Variants in NBEAL1 observed in about 807,000 individuals in gnomAD.
NBEAL1 encodes neurobeachin like 1.
In NBEAL1, 273 loss-of-function variants were observed where a neutral mutation model predicts 351.3. The ratio of observed to expected loss-of-function variants is 0.78; its 90% CI spans 0.70 to 0.86. NBEAL1 has a LOEUF of 0.86. Ranked by LOEUF, NBEAL1 falls within the 40% of genes least tolerant of loss-of-function variation. The probability of loss-of-function intolerance (pLI) is 0.00; values close to 1 mark genes in which losing one functional copy is unlikely to be tolerated. For synonymous variants in NBEAL1, 1,050 were observed against 1,086.4 expected (o/e 0.97, Z 0.66); for missense variants, 2,961 against 3,201.3 (o/e 0.92, Z 1.81).
chr2:203,087,256 C>G (rs1374322776), intron 10 of NBEAL1, among the ~76,000 whole-genome samples: 1 of 151,954 alleles, frequency 6.6e-6, no homozygotes, highest in African/African-American at 2.4e-5. Flanking sequence ...CCGTGCCCGG[C>G]TAATTTTCAT....
intron 42 of NBEAL1, among the ~76,000 whole-genome samples, chr2:203,179,669 T>C (rs928877817): frequency 6.6e-6 from 1 of 152,192 alleles, no homozygotes; most frequent in African/African-American, 2.4e-5. Context: ...AGCGTTCCTA[T>C]AGATCTATTA....
intron 2 of NBEAL1, among the ~76,000 whole-genome samples, chr2:203,031,267 C>T (rs1022771934): frequency 6.6e-6 from 1 of 152,186 alleles, no homozygotes; most frequent in Non-Finnish European, 1.5e-5. Flanking sequence ...GAGTATCTCT[C>T]ATTTTCAAGT....
intron 42 of NBEAL1, among the ~76,000 whole-genome samples, chr2:203,176,171 C>CTTT (rs34311199): frequency 3.2e-4 from 39 of 122,880 alleles, no homozygotes; most frequent in East Asian, 9.9e-4. Context: ...TTTATTGCAT[C>CTTT]TTTTTTTTTT....
chr2:203,112,424 A>C (rs1411888574), intron 16 of NBEAL1, among the ~76,000 whole-genome samples: 1 of 152,268 alleles, frequency 6.6e-6, no homozygotes, highest in African/African-American at 2.4e-5. Context: ...ATTACGTAAG[A>C]GAATATTATG....
intron 37 of NBEAL1, 63 bp downstream of exon 37, chr2:203,166,360 A>T (rs1385936026): frequency 2.8e-6 from 4 of 1,427,958 alleles, no homozygotes; most frequent in Non-Finnish European, 3.8e-6. Context: ...TTTATCAATC[A>T]TGAATGAGAA....
chr2:203,125,839 T>TTTTC (rs2062925786), intron 20 of NBEAL1, 121 bp from the exon 21 acceptor site: 3 of 797,754 alleles, frequency 3.8e-6, no homozygotes, highest in Non-Finnish European at 5.6e-6. Flanking sequence ...CAATAGAGCG[T>TTTTC]TGGAAGCTGA....
intron 15 of NBEAL1, among the ~76,000 whole-genome samples, chr2:203,110,947 G>T (rs1179629437): frequency 6.6e-6 from 1 of 151,630 alleles, no homozygotes; most frequent in Non-Finnish European, 1.5e-5. Flanking sequence ...TGTATTTTTA[G>T]TAGAGACAGG....
At chr2:203,148,380 A>G (rs556038884) in intron 33 of NBEAL1, among the ~76,000 whole-genome samples, 97 of 152,004 alleles carry the variant, frequency 6.4e-4, no homozygotes, top group Non-Finnish European at 1.1e-3. Flanking sequence ...TTAACCACAC[A>G]TTGCTGTAAT....
intron 15 of NBEAL1, among the ~76,000 whole-genome samples, chr2:203,111,643 A>G (rs1201430412): frequency 6.6e-6 from 1 of 152,198 alleles, no homozygotes; most frequent in Non-Finnish European, 1.5e-5. Context: ...GGTGTGAGCC[A>G]CTGCGCCCAG....
At chr2:203,086,312 A>G (rs1313787617) in intron 10 of NBEAL1, 1 of 152,202 alleles carries the variant, frequency 6.6e-6, no homozygotes, top group Non-Finnish European at 1.5e-5. Flanking sequence ...CTTTCTAAAA[A>G]TACTGGCATT....
intron 15 of NBEAL1, 21 bp downstream of exon 15, chr2:203,110,303 A>T: frequency 6.5e-7 from 1 of 1,542,942 alleles, no homozygotes; most frequent in Non-Finnish European, 8.7e-7. Context: ...AGGGCATCAC[A>T]TTTAACTTCT....
At chr2:203,184,798 G>C (rs2064846901) in intron 44 of NBEAL1, among the ~76,000 whole-genome samples, 1 of 151,746 alleles carries the variant, frequency 6.6e-6, no homozygotes, top group Admixed American at 6.6e-5. Flanking sequence ...TGGGTGGTGT[G>C]TACCGGTAGT....
In NBEAL1 at chr2:203,193,816, T is replaced by C; in HGVS notation, c.6943T>C (p.Ser2315Pro). Reference protein sequence around the residue: ...LLKEPHPPRLSAEEAVQKPTK... With the variant: ...LLKEPHPPRLPAEEAVQKPTK... ...GAAGGAACCACACCCTCCAAGATTATCAGCAGAAGAAGCAGTGCAGAAGCC... is the reference window on the plus strand; with the variant it reads ...GAAGGAACCACACCCTCCAAGATTACCAGCAGAAGAAGCAGTGCAGAAGCC... Residue 2315 changes from serine to proline, a missense_variant, in exon 47 of 56, where the codon TCA (serine) becomes CCA (proline). Transcript: ENST00000683969. 6.2e-7 allele frequency: 1 copy of C among 1,611,824 alleles called. No individual in the cohort carries two copies. Among genetic ancestry groups the C allele is most frequent in the South Asian group, 1.1e-5 (1 of 90,726 alleles).
rs10209661 is a variant in NBEAL1, at chr2:203,030,784, T to G, written c.52-10981T>G. On this transcript the variant is annotated intron_variant, in intron 2 of 55. Transcript: ENST00000683969. Reference sequence around the variant, plus strand: ...GCTCACACCTGTAGTCCCAGCACTTTGGGAGACTGAGATGAAAGGATCACT... The same window carrying G: ...GCTCACACCTGTAGTCCCAGCACTTGGGGAGACTGAGATGAAAGGATCACT... Among the ~76,000 whole-genome samples, 137 of 152,254 alleles carry G rather than the reference T, an allele frequency of 9.0e-4. 1 individual carries two copies. Among genetic ancestry groups the G allele is most frequent in the African/African-American group, 3.1e-3 (129 of 41,538 alleles).
At chr2:203,089,089 T>C (rs2062018420) in intron 10 of NBEAL1, among the ~76,000 whole-genome samples, 2 of 152,226 alleles carry the variant, frequency 1.3e-5, no homozygotes, top group South Asian at 4.1e-4. Flanking sequence ...CCAGACGCGG[T>C]GGCTCAAACC....
At chr2:203,215,151 A>C (rs1199743037) in intron 55 of NBEAL1, among the ~76,000 whole-genome samples, 1 of 152,092 alleles carries the variant, frequency 6.6e-6, no homozygotes, top group African/African-American at 2.4e-5. Context: ...AGGTCAAGAC[A>C]TCCAGGCCAT....
chr2:203,078,232 G>GT (rs2061811063), intron 8 of NBEAL1, among the ~76,000 whole-genome samples: 1 of 151,800 alleles, frequency 6.6e-6, no homozygotes, highest in Non-Finnish European at 1.5e-5. Flanking sequence ...ATGTATTTTT[G>GT]TAAGTGTATA....
rs886806328 is a variant in NBEAL1 at position 203,109,108 on chromosome 2, G to A, written c.1949+920G>A. Among the ~76,000 whole-genome samples the A allele has an allele frequency of 3.3e-5, 5 of 152,296 alleles. No individual in the cohort carries two copies. In the East Asian group the frequency reaches 9.6e-4, roughly 29 times the overall value. On this transcript the variant is annotated intron_variant, in intron 14 of 55. Transcript: ENST00000683969. ...GTGGTGGCTTACGCCTGTAATCCTA[G>A]CACTTTAAGTGGTTGAGGTGGGCGA...
chr2:203,074,187 C>T (rs2061728044), intron 7 of NBEAL1, among the ~76,000 whole-genome samples: 2 of 151,918 alleles, frequency 1.3e-5, no homozygotes, highest in Admixed American at 6.6e-5. Context: ...TTCAAAATAC[C>T]ATGTTGTTCA....
Sources: gnomAD v4.1 joint callset for allele counts (sites outside exome capture counted in the v4.1 genomes callset) on GRCh38, gnomAD v4.1.1 for gene constraint, MANE v1.5 for transcripts, NCBI Gene and HGNC (gene_info 2026-07-23, HGNC 2026-07-21) for gene names.